The following KIF13B variants were observed in gnomAD, a reference collection of about 807,000 sequenced individuals.
KIF13B encodes kinesin family member 13B, also known as kinesin-like protein KIF13B.
In KIF13B, 127 loss-of-function variants were observed where a neutral mutation model predicts 222.0. That is an observed-to-expected ratio of 0.57 (90% CI 0.50 to 0.66). The LOEUF (loss-of-function observed/expected upper bound fraction) is 0.66, where lower values mean the gene tolerates loss of function less well. Ranked by LOEUF, KIF13B falls within the 30% of genes least tolerant of loss-of-function variation. The probability of loss-of-function intolerance (pLI) is 0.00; values close to 1 mark genes in which losing one functional copy is unlikely to be tolerated. For synonymous variants in KIF13B, 976 were observed against 919.0 expected (o/e 1.06, Z -1.12); for missense variants, 2,173 against 2,379.0 (o/e 0.91, Z 1.80).
intron 2 of KIF13B, among the ~76,000 whole-genome samples, chr8:29,200,689 T>G (rs947643084): frequency 1.3e-5 from 2 of 152,162 alleles, no homozygotes; most frequent in East Asian, 3.8e-4. Context: ...ACTAATGTCC[T>G]TTTTTTGGTC....
At chr8:29,195,807 A>G (rs956045969) in intron 3 of KIF13B, among the ~76,000 whole-genome samples, 2 of 152,198 alleles carry the variant, frequency 1.3e-5, no homozygotes, top group African/African-American at 4.8e-5. Context: ...GAGCCAATCT[A>G]TGGAGGCGGC....
intron 26 of KIF13B, among the ~76,000 whole-genome samples, chr8:29,124,808 G>A (rs569373860): frequency 2.6e-5 from 4 of 151,992 alleles, no homozygotes; most frequent in South Asian, 2.1e-4. Flanking sequence ...GCTTGAACCC[G>A]GGAGGCAGAG....
intron 13 of KIF13B, among the ~76,000 whole-genome samples, chr8:29,159,257 T>A (rs748172938): frequency 6.0e-4 from 92 of 152,146 alleles, no homozygotes; most frequent in Non-Finnish European, 1.2e-3. Context: ...TTCAAGCGAT[T>A]GGCCTGCCTC....
intron 1 of KIF13B, among the ~76,000 whole-genome samples, chr8:29,260,564 T>C (rs1471210404): frequency 6.6e-6 from 1 of 151,848 alleles, no homozygotes; most frequent in African/African-American, 2.4e-5. Context: ...TTCCTACAGA[T>C]CATACAAGGA....
intron 3 of KIF13B, among the ~76,000 whole-genome samples, chr8:29,192,602 T>C (rs1266612226): frequency 6.6e-6 from 1 of 152,216 alleles, no homozygotes; most frequent in East Asian, 1.9e-4. Context: ...AAATATTTTA[T>C]CTATCTCTGC....
At chr8:29,194,067 G>A (rs552143357) in intron 3 of KIF13B, among the ~76,000 whole-genome samples, 12 of 150,378 alleles carry the variant, frequency 8.0e-5, no homozygotes, top group Admixed American at 3.3e-4. Flanking sequence ...CTCATGATCC[G>A]CTGGCCTCCG....
At chr8:29,132,266 T>G in intron 23 of KIF13B, 42 bp downstream of exon 23, 1 of 1,351,846 alleles carries the variant, frequency 7.4e-7, no homozygotes. Flanking sequence ...AAAAAAAAAT[T>G]ACATATATAT....
intron 36 of KIF13B, among the ~76,000 whole-genome samples, chr8:29,095,533 G>A (rs192099302): frequency 6.6e-6 from 1 of 152,196 alleles, no homozygotes. Context: ...TTGGGAGGCC[G>A]AGGCGGGTGG....
At chr8:29,109,822 T>C (rs1809270235) in intron 33 of KIF13B, 96 bp downstream of exon 33, 1 of 1,207,702 alleles carries the variant, frequency 8.3e-7, no homozygotes, top group Non-Finnish European at 1.2e-6. Context: ...ACTCTTCAAA[T>C]GTTAGGTGCA....
intron 1 of KIF13B, among the ~76,000 whole-genome samples, chr8:29,256,750 T>G (rs916375480): frequency 2.6e-5 from 4 of 151,664 alleles, no homozygotes; most frequent in Admixed American, 6.6e-5. Flanking sequence ...TTACTACTTT[T>G]TTTGTTTGTT....
intron 37 of KIF13B, among the ~76,000 whole-genome samples, chr8:29,078,611 C>G (rs1807674034): frequency 6.6e-6 from 1 of 152,184 alleles, no homozygotes. Context: ...ATCCTTACAA[C>G]ACATCTGGTA....
At chr8:29,159,387 T>A (rs374282819) in intron 13 of KIF13B, among the ~76,000 whole-genome samples, 2 of 152,266 alleles carry the variant, frequency 1.3e-5, no homozygotes, top group East Asian at 1.9e-4. Flanking sequence ...TGACCTCAAG[T>A]GATCTGCCCG....
Position 29,140,207 on chromosome 8 carries a change from A to T in KIF13B, c.2485-16T>A. On this transcript the variant is annotated splice_polypyrimidine_tract_variant and intron_variant, in intron 20 of 39. Transcript: ENST00000524189. ...GACCTGCCACCTGCAGCAATGAGGG[A>T]AGGCAGAAACATTTCTCCAGATTTG... is the stretch of plus-strand genomic sequence containing the variant. The T allele has an allele frequency of 6.2e-7, 1 of 1,613,190 alleles. No homozygotes were observed. The highest frequency in any genetic ancestry group is 8.5e-7 in the Non-Finnish European group (1 of 1,179,728).
chr8:29,165,871 T>C, intron 11 of KIF13B, 99 bp from the exon 12 acceptor site: 2 of 794,492 alleles, frequency 2.5e-6, no homozygotes, highest in Non-Finnish European at 4.2e-6. Flanking sequence ...TGCCTCCTCA[T>C]GGCTGAATGT....
chr8:29,156,934 C>T (rs912676540), intron 13 of KIF13B, among the ~76,000 whole-genome samples: 2 of 152,102 alleles, frequency 1.3e-5, no homozygotes, highest in Non-Finnish European at 2.9e-5. Context: ...CTCCCCTAAC[C>T]CAACAGAAGT....
chr8:29,144,714 C>T (rs1414911145), intron 18 of KIF13B, among the ~76,000 whole-genome samples: 2 of 152,130 alleles, frequency 1.3e-5, no homozygotes, highest in African/African-American at 2.4e-5. Flanking sequence ...GGTGCAGCTA[C>T]CATAACTTAG....
chr8:29,216,565 C>T (rs969660578), intron 2 of KIF13B, among the ~76,000 whole-genome samples: 8 of 152,106 alleles, frequency 5.3e-5, no homozygotes, highest in Non-Finnish European at 1.0e-4. Flanking sequence ...TGCCACTGTA[C>T]TCCAACCTGG....
intron 14 of KIF13B, among the ~76,000 whole-genome samples, chr8:29,151,977 CATTTGTT>C (rs558729434): frequency 2.2e-3 from 334 of 152,300 alleles, no homozygotes; most frequent in Non-Finnish European, 4.0e-3. Flanking sequence ...CCATTAAGAA[CATTTGTT>C]ATTCAGAGGA....
intron 1 of KIF13B, among the ~76,000 whole-genome samples, chr8:29,256,043 C>T (rs1176553969): frequency 6.6e-6 from 1 of 152,210 alleles, no homozygotes; most frequent in Non-Finnish European, 1.5e-5. Context: ...TTCACAATGG[C>T]CTTCTGGATC....
Sources: gnomAD v4.1 joint callset for allele counts (sites outside exome capture counted in the v4.1 genomes callset) on GRCh38, gnomAD v4.1.1 for gene constraint, MANE v1.5 for transcripts, NCBI Gene and HGNC (gene_info 2026-07-23, HGNC 2026-07-21) for gene names.